The following FER variants were observed in gnomAD, a reference collection of about 807,000 sequenced individuals.
FER encodes tyrosine-protein kinase Fer.
FER carries 63 observed loss-of-function variants against 111.0 expected under a neutral mutation model. The observed-to-expected ratio is 0.57, with a 90% CI of 0.46 to 0.70. The LOEUF (loss-of-function observed/expected upper bound fraction) is 0.70. FER is among the 30% of genes least tolerant of loss of function. The probability of loss-of-function intolerance (pLI) is 0.00; values close to 1 mark genes in which losing one functional copy is unlikely to be tolerated. For synonymous variants in FER, 327 were observed against 313.9 expected, an observed-to-expected ratio of 1.04 and a Z score of -0.44; for missense variants, 914 against 954.0, an observed-to-expected ratio of 0.96 and a Z score of 0.55.
At chr5:108,987,297 T>G (rs921893259) in intron 13 of FER, among the ~76,000 whole-genome samples, 2 of 152,000 alleles carry the variant, frequency 1.3e-5, no homozygotes, top group Admixed American at 6.6e-5. Context: ...AATACAAAAA[T>G]TAGCCGGGCA....
chr5:109,113,688 C>G (rs996679935), intron 17 of FER, among the ~76,000 whole-genome samples: 5 of 152,132 alleles, frequency 3.3e-5, no homozygotes, highest in African/African-American at 9.7e-5. Context: ...TTGCCTAGCA[C>G]TATGCCTGGC....
chr5:108,892,518 GT>G (rs1369006628), intron 9 of FER, among the ~76,000 whole-genome samples: 1 of 152,032 alleles, frequency 6.6e-6, no homozygotes, highest in East Asian at 1.9e-4. Context: ...GGGGTTGTTT[GT>G]TTTTTTCTTG....
At chr5:109,033,045 A>G (rs1769864293) in intron 13 of FER, among the ~76,000 whole-genome samples, 2 of 152,192 alleles carry the variant, frequency 1.3e-5, no homozygotes, top group African/African-American at 4.8e-5. Context: ...TGTTAAATAT[A>G]ACTCTGTCAA....
chr5:109,024,556 A>G (rs893600449), intron 13 of FER, among the ~76,000 whole-genome samples: 1 of 152,130 alleles, frequency 6.6e-6, no homozygotes, highest in Non-Finnish European at 1.5e-5. Context: ...CATAATGGCC[A>G]GAGTGTGTGA....
chr5:108,812,559 T>C (rs1757872843), intron 3 of FER, among the ~76,000 whole-genome samples: 1 of 152,174 alleles, frequency 6.6e-6, no homozygotes, highest in Admixed American at 6.5e-5. Context: ...TCATTTAGTG[T>C]GATTATTGAT....
intron 14 of FER, 100 bp from the exon 15 acceptor site, chr5:109,044,580 G>A (rs1771676447): frequency 1.7e-6 from 1 of 589,370 alleles, no homozygotes; most frequent in Non-Finnish European, 3.0e-6. Flanking sequence ...ATATTGACAT[G>A]TAGGTAAGCA....
intron 10 of FER, among the ~76,000 whole-genome samples, chr5:108,916,861 T>C (rs562142702): frequency 7.9e-5 from 12 of 152,268 alleles, no homozygotes; most frequent in Non-Finnish European, 1.3e-4. Context: ...TATAGACTTT[T>C]TGGATAACTG....
chr5:109,052,071 C>T (rs1328930072), intron 16 of FER: 40 of 1,603,938 alleles, frequency 2.5e-5, no homozygotes, highest in Admixed American at 2.3e-4. Context: ...TTATCTCAAT[C>T]TGCTTCAAGT....
At chr5:109,161,637 A>G (rs532704534) in intron 17 of FER, among the ~76,000 whole-genome samples, 4 of 152,192 alleles carry the variant, frequency 2.6e-5, no homozygotes, top group Non-Finnish European at 4.4e-5. Context: ...TATCCAGTCT[A>G]CCATTAATGG....
intron 4 of FER, among the ~76,000 whole-genome samples, chr5:108,834,496 AAGAC>A (rs1245664038): frequency 1.8e-4 from 28 of 151,980 alleles, no homozygotes; most frequent in Admixed American, 1.8e-3. Flanking sequence ...TCAGGAGTTC[AAGAC>A]CAGCCTGGGC....
intron 16 of FER, among the ~76,000 whole-genome samples, chr5:109,069,076 G>T (rs771875121): frequency 5.3e-5 from 8 of 151,898 alleles, no homozygotes; most frequent in Non-Finnish European, 1.2e-4. Flanking sequence ...TAATTTCAGA[G>T]AAAGAATGCT....
At chr5:109,069,935 T>C (rs1405864318) in intron 16 of FER, among the ~76,000 whole-genome samples, 1 of 152,156 alleles carries the variant, frequency 6.6e-6, no homozygotes, top group East Asian at 1.9e-4. Flanking sequence ...AGTTGTTTTA[T>C]ATAATCTGCA....
At chr5:109,120,487 G>T (rs1002900283) in intron 17 of FER, among the ~76,000 whole-genome samples, 35 of 152,028 alleles carry the variant, frequency 2.3e-4, no homozygotes, top group African/African-American at 8.5e-4. Flanking sequence ...GTACCATTCT[G>T]TTTTGGGTAC....
intron 13 of FER, among the ~76,000 whole-genome samples, chr5:108,999,311 A>G (rs543843304): frequency 1.3e-5 from 2 of 152,262 alleles, no homozygotes; most frequent in African/African-American, 4.8e-5. Flanking sequence ...CCCAGTTCTT[A>G]GTACTGAACA....
chr5:108,985,056 A>C (rs1443567517), intron 13 of FER, among the ~76,000 whole-genome samples: 5 of 152,128 alleles, frequency 3.3e-5, no homozygotes, highest in Non-Finnish European at 2.9e-5. Flanking sequence ...TAATAAGACA[A>C]ATTACGAATT....
At chr5:108,898,749 G>C (rs891965280) in intron 10 of FER, among the ~76,000 whole-genome samples, 1 of 149,604 alleles carries the variant, frequency 6.7e-6, no homozygotes, top group African/African-American at 2.5e-5. Context: ...GTATGTTGGT[G>C]GTTCTCACCC....
rs1021127132 is a variant in FER, at chr5:109,194,297, T to A, written c.*6722T>A. ...TGTGTAATGTTAAGGAGTTTTTTCA[T>A]AGCTTCAGAAAAGAGGGCAGCAAAT... On this transcript the variant is annotated 3_prime_UTR_variant, in exon 20 of 20. Coordinates refer to ENST00000281092, the MANE Select transcript of FER (RefSeq NM_005246.4). 2 of 152,160 alleles carry A rather than the reference T, an allele frequency of 1.3e-5. No individual in the cohort carries two copies. The highest frequency in any genetic ancestry group is 2.9e-5 in the Non-Finnish European group (2 of 68,018). 9.4% of individuals were successfully genotyped at this position (152,160 alleles called of 1,614,324 possible).
intron 9 of FER, chr5:108,891,296 G>T (rs148690681): frequency 6.6e-6 from 1 of 151,844 alleles, no homozygotes; most frequent in East Asian, 1.9e-4. Flanking sequence ...ATATATTCTA[G>T]TTCTTTATAT....
rs182439411 is a variant in FER, at chr5:108,768,111, A to C, written c.-187A>C. 6.6e-6 allele frequency: 1 copy of C among 152,248 alleles called. No individual in the cohort carries two copies. Among genetic ancestry groups the C allele is most frequent in the Non-Finnish European group, 1.5e-5 (1 of 68,028 alleles). The allele number at this position is 152,248 out of a possible 1,614,324, so 9.4% of individuals were successfully genotyped here. A position where few individuals can be genotyped will look rare whatever the true frequency, so the allele number is the denominator to read the frequency against. ...CTTGCAGCTCATGTTTTTTGGCTAG[A>C]CCTATGACCATTTTCGCTAGACTTC... On this transcript the variant is annotated 5_prime_UTR_variant, in exon 2 of 20. Transcript: ENST00000281092.
Sources: allele counts gnomAD v4.1 joint callset (sites outside exome capture counted in the v4.1 genomes callset), GRCh38; gene constraint gnomAD v4.1.1; transcripts MANE v1.5; gene names NCBI Gene and HGNC (gene_info 2026-07-23, HGNC 2026-07-21).